Variants in ATP7A observed in about 807,000 individuals in gnomAD.
ATP7A encodes ATPase copper transporting alpha.
In ATP7A, 7 loss-of-function variants were observed where a neutral mutation model predicts 83.5. The observed-to-expected ratio is 0.08, with a 90% CI of 0.05 to 0.16. ATP7A has a LOEUF of 0.16. ATP7A is among the 10% of genes least tolerant of loss of function. The pLI, the probability that ATP7A is intolerant of heterozygous loss-of-function variation, is 1.00. For missense variants in ATP7A, 940 were observed against 1,120.8 expected (o/e 0.84, Z 2.30); for synonymous variants, 354 against 395.2 (o/e 0.90, Z 1.24).
At chrX:78,042,853 T>C in intron 20 of ATP7A, 65 bp downstream of exon 20, 6 of 1,076,920 alleles carry the variant, frequency 5.6e-6, no homozygotes, top group African/African-American at 1.8e-5. Flanking sequence ...GATAATGTCA[T>C]AAAGTATATT....
chrX:78,042,862 T>C (rs782113357), intron 20 of ATP7A, 74 bp downstream of exon 20: 2 of 1,058,871 alleles, frequency 1.9e-6, no homozygotes, highest in Admixed American at 2.2e-5. Context: ...ATAAAGTATA[T>C]TGAGCATAAC....
chrX:78,045,279 G>A (rs782299388), intron 21 of ATP7A, among the ~76,000 whole-genome samples, 191 bp from the exon 22 acceptor site: 3 of 111,331 alleles, frequency 2.7e-5, no homozygotes, highest in Non-Finnish European at 5.7e-5. Flanking sequence ...ATGGACACGG[G>A]GAGACATGTA....
chrX:77,980,273 C>A (rs782262605), intron 2 of ATP7A, among the ~76,000 whole-genome samples: 12 of 110,423 alleles, frequency 1.1e-4, no homozygotes, highest in African/African-American at 3.6e-4. Context: ...CATGGTGAAA[C>A]CCTGTCTGTA....
intron 1 of ATP7A, among the ~76,000 whole-genome samples, chrX:77,920,178 C>T (rs908216643): frequency 4.6e-5 from 5 of 109,493 alleles, no homozygotes; most frequent in African/African-American, 1.3e-4. Context: ...CCCAGTAGTC[C>T]GCAGTATCTA....
chrX:78,037,437 C>T (rs919327757), intron 17 of ATP7A, among the ~76,000 whole-genome samples: 8 of 112,314 alleles, frequency 7.1e-5, no homozygotes, highest in Non-Finnish European at 1.3e-4. Context: ...AGATATAGAA[C>T]ATTTCTAATA....
chrX:77,932,584 G>C (rs1471964759), intron 1 of ATP7A, among the ~76,000 whole-genome samples: 2 of 112,261 alleles, frequency 1.8e-5, no homozygotes, highest in Non-Finnish European at 3.8e-5. Context: ...AGCGAGCCGC[G>C]ATCACGCCAC....
intron 1 of ATP7A, among the ~76,000 whole-genome samples, chrX:77,931,657 T>A (rs1270476610): frequency 2.0e-4 from 16 of 81,942 alleles, no homozygotes; most frequent in African/African-American, 7.7e-4. Context: ...CCCGCCCACC[T>A]CCCTCCCGGA....
At chrX:78,023,188 A>T (rs2077919618) in intron 14 of ATP7A, among the ~76,000 whole-genome samples, 2 of 112,429 alleles carry the variant, frequency 1.8e-5, no homozygotes, top group Non-Finnish European at 3.8e-5. Flanking sequence ...CCAGTCCACC[A>T]TTGATGGGCA....
intron 6 of ATP7A, among the ~76,000 whole-genome samples, chrX:78,004,487 G>A (rs781787319): frequency 8.9e-6 from 1 of 112,181 alleles, no homozygotes; most frequent in Non-Finnish European, 1.9e-5. Context: ...GGTGGCTCAC[G>A]CCTGTAATCT....
intron 16 of ATP7A, among the ~76,000 whole-genome samples, chrX:78,033,051 TA>T (rs1370203406): frequency 8.9e-6 from 1 of 112,550 alleles, no homozygotes; most frequent in Non-Finnish European, 1.9e-5. Context: ...AGAATACTGA[TA>T]AGCTTTCCAT....
chrX:77,986,356 T>C (rs2077636715), intron 2 of ATP7A, among the ~76,000 whole-genome samples: 1 of 112,782 alleles, frequency 8.9e-6, no homozygotes, highest in Non-Finnish European at 1.9e-5. Flanking sequence ...AGAGAGATTT[T>C]CTATGCTGAA....
rs782085739 is a variant in ATP7A, at chrX:77,932,322, A to G, written c.-22+21487A>G. Among the ~76,000 whole-genome samples the G allele has an allele frequency of 1.1e-4, 11 of 99,887 alleles. No homozygotes were observed. The South Asian group carries it at 4.6e-3, about 42-fold the overall frequency. 86.7% of individuals were successfully genotyped at this position (99,887 alleles called of 115,157 possible). On this transcript the variant is annotated intron_variant, in intron 1 of 22. Coordinates refer to ENST00000341514, the MANE Select transcript of ATP7A (RefSeq NM_000052.7). Reference sequence around the variant, plus strand: ...TCAGACGATGGGCGGCCGGGCAGAGACGCTCCTCACTTCCTAGATGGGATG... The same window carrying G: ...TCAGACGATGGGCGGCCGGGCAGAGGCGCTCCTCACTTCCTAGATGGGATG...
chrX:77,931,602 G>A (rs1427145603), intron 1 of ATP7A, among the ~76,000 whole-genome samples: 3 of 105,931 alleles, frequency 2.8e-5, no homozygotes, highest in East Asian at 3.1e-4. Context: ...GGGCAGAGGC[G>A]CCCCTCACCT....
At chrX:77,920,194 G>A (rs181976628) in intron 1 of ATP7A, among the ~76,000 whole-genome samples, 92 of 108,261 alleles carry the variant, frequency 8.5e-4, no homozygotes, top group African/African-American at 3.1e-3. Flanking sequence ...ATCTATTGTT[G>A]CCATCTTTAT....
At chrX:77,991,750 G>A (rs782743797) in intron 4 of ATP7A, among the ~76,000 whole-genome samples, 3 of 110,343 alleles carry the variant, frequency 2.7e-5, no homozygotes, top group Non-Finnish European at 5.7e-5. Flanking sequence ...GGCCTGGTAC[G>A]GTAGCTCACA....
chrX:77,939,879 TTG>T (rs2077341674), intron 1 of ATP7A, among the ~76,000 whole-genome samples: 3 of 107,817 alleles, frequency 2.8e-5, no homozygotes, highest in African/African-American at 6.7e-5. Flanking sequence ...TTTTTGTTTT[TTG>T]GGGGGGACCC....
At chrX:77,939,943 T>G (rs2077342468) in intron 1 of ATP7A, among the ~76,000 whole-genome samples, 1 of 107,738 alleles carries the variant, frequency 9.3e-6, no homozygotes, top group African/African-American at 3.4e-5. Flanking sequence ...TGCAGTAAGA[T>G]TCAATATTGT....
At position 78,043,356 on chromosome X, in the gene ATP7A, A is replaced by G. The variant is rs1557238679; in HGVS notation, c.4045A>G (p.Arg1349Gly). ...LDVVASIDLS[R>G]KTVKRIRINF... is the part of the protein sequence containing the mutation. Reference sequence around the variant, plus strand: ...TGTAGTGGCAAGTATTGACTTATCAAGAAAGACAGTCAAGAGGATTCGGAT... The same window carrying G: ...TGTAGTGGCAAGTATTGACTTATCAGGAAAGACAGTCAAGAGGATTCGGAT... The change falls in exon 21 of 23, where the codon AGA (arginine) becomes GGA (glycine). Residue 1349 changes from arginine to glycine, a missense_variant. Coordinates refer to ENST00000341514, the MANE Select transcript of ATP7A (RefSeq NM_000052.7). 2.5e-6 allele frequency: 3 copies of G among 1,209,090 alleles called. No individual in the cohort carries two copies. The Admixed American group carries it at 6.5e-5, about 26-fold the overall frequency.
rs782149312 is a variant in ATP7A at position 78,011,519 on chromosome X, G to C, written c.2017G>C (p.Val673Leu). The C allele has an allele frequency of 1.7e-6, 2 of 1,210,405 alleles. No homozygotes were observed. The highest frequency in any genetic ancestry group is 1.1e-6 in the Non-Finnish European group (1 of 894,920). The part of the protein sequence containing the change: ...PVMGLMIYMM[V>L]MDHHFATLHH... ...AATGGGGCTGATGATATATATGATG[G>C]TTATGGACCACCACTTTGCAACTCT... The change falls in exon 9 of 23, where the codon GTT (valine) becomes CTT (leucine). Residue 673 changes from valine (V) to leucine (L), a missense_variant. Around this residue, in one of 3 missense-constraint regions of ATP7A, gnomAD observed 204 missense variants for 185.8 expected, o/e 1.10. Coordinates refer to ENST00000341514, the MANE Select transcript of ATP7A (RefSeq NM_000052.7).
Sources: gnomAD v4.1 joint callset for allele counts (sites outside exome capture counted in the v4.1 genomes callset) on GRCh38, gnomAD v4.1.1 for gene constraint, gnomAD v4.1.1 regional missense constraint, MANE v1.5 for transcripts, NCBI Gene and HGNC (gene_info 2026-07-23, HGNC 2026-07-21) for gene names.